The following PCDHGA4 variants were observed in gnomAD, a reference collection of about 807,000 sequenced individuals.
PCDHGA4 encodes protocadherin gamma-A4.
In PCDHGA4, 38 loss-of-function variants were observed where a neutral mutation model predicts 54.6. The observed-to-expected ratio is 0.70, with a 90% CI of 0.54 to 0.91. The LOEUF (loss-of-function observed/expected upper bound fraction) is 0.91. PCDHGA4 is among the 40% of genes least tolerant of loss of function. The pLI, the probability that PCDHGA4 is intolerant of heterozygous loss-of-function variation, is 0.00. For synonymous variants in PCDHGA4, 511 were observed against 512.9 expected (o/e 1.00, Z 0.05); for missense variants, 1,298 against 1,220.9 (o/e 1.06, Z -0.94).
At chr5:141,380,091 G>A (rs538586012) in intron 1 of PCDHGA4, among the ~76,000 whole-genome samples, 1 of 151,688 alleles carries the variant, frequency 6.6e-6, no homozygotes, top group African/African-American at 2.4e-5. Context: ...GTAGAGATGG[G>A]GTTTTACCAT....
chr5:141,376,538 T>C, intron 1 of PCDHGA4: 1 of 1,613,126 alleles, frequency 6.2e-7, no homozygotes, highest in African/African-American at 1.3e-5. Flanking sequence ...GCGGGAAGAG[T>C]AATCTGATCT....
At chr5:141,361,619 A>G in intron 1 of PCDHGA4, 4 of 1,613,920 alleles carry the variant, frequency 2.5e-6, no homozygotes, top group Non-Finnish European at 3.4e-6. Context: ...GTAGCGAGCG[A>G]CCTGAAGCCG....
intron 1 of PCDHGA4, chr5:141,375,274 A>G: frequency 1.9e-6 from 3 of 1,613,898 alleles, no homozygotes; most frequent in Non-Finnish European, 2.5e-6. Context: ...TGGAAAAATC[A>G]GTTGGCAATT....
intron 1 of PCDHGA4, chr5:141,387,654 G>A: frequency 1.6e-6 from 1 of 644,700 alleles, no homozygotes. Context: ...AAAGTGGAGA[G>A]CTTGGCGCTC....
intron 1 of PCDHGA4, among the ~76,000 whole-genome samples, chr5:141,435,840 T>G (rs1408413470): frequency 6.6e-6 from 1 of 152,118 alleles, no homozygotes; most frequent in Non-Finnish European, 1.5e-5. Context: ...CCTATCTACT[T>G]TGAAAGATAC....
chr5:141,491,529 G>C lies in PCDHGA4; in HGVS notation c.2515-3278G>C. 1 of 1,614,040 alleles carries C rather than the reference G, an allele frequency of 6.2e-7. No individual in the cohort carries two copies. The highest frequency in any genetic ancestry group is 1.1e-5 in the South Asian group (1 of 91,080). On this transcript the variant is annotated intron_variant, in intron 1 of 3. Coordinates refer to ENST00000571252, the MANE Select transcript of PCDHGA4 (RefSeq NM_018917.4). The surrounding 1 kb of genome is among the most constrained non-coding windows in gnomAD (Gnocchi z 6.9). ...GCACGCTCAAGTACATGGAGGTGACGCTGCGGCCCACAGACTCGCAGAGCC... is the reference window on the plus strand; with the variant it reads ...GCACGCTCAAGTACATGGAGGTGACCCTGCGGCCCACAGACTCGCAGAGCC...
chr5:141,389,249 T>A, intron 1 of PCDHGA4: 1 of 1,614,064 alleles, frequency 6.2e-7, no homozygotes, highest in Non-Finnish European at 8.5e-7. Flanking sequence ...AGTCTTCCTA[T>A]ATAGTCCACG....
intron 1 of PCDHGA4, chr5:141,478,819 C>G (rs927315523): frequency 2.1e-6 from 3 of 1,447,842 alleles, no homozygotes; most frequent in Non-Finnish European, 2.7e-6. Context: ...CACAACTAAC[C>G]AATCTTGCTA....
At position 141,355,781 on chromosome 5, in the gene PCDHGA4, T is replaced by C; in HGVS notation, c.674T>C (p.Leu225Pro). The part of the protein sequence containing the change: ...SGADGIKYPE[L>P]VLERALDREE... Reference sequence around the variant, plus strand: ...GCCGATGGGATTAAGTACCCAGAGCTGGTGCTGGAACGCGCTCTAGATCGC... The same window carrying C: ...GCCGATGGGATTAAGTACCCAGAGCCGGTGCTGGAACGCGCTCTAGATCGC... The change falls in exon 1 of 4, where the codon CTG becomes CCG. Residue 225 changes from leucine (L) to proline (P), a missense_variant. Physicochemically the swap from Leu to Pro is moderately conservative, Grantham distance 98. Transcript: ENST00000571252. The C allele has an allele frequency of 1.2e-6, 2 of 1,613,802 alleles. No homozygotes were observed. The highest frequency in any genetic ancestry group is 1.7e-6 in the Non-Finnish European group (2 of 1,179,806).
rs558467940 is a variant in PCDHGA4, at chr5:141,373,761, G to C, written c.2514+16140G>C. Among the ~76,000 whole-genome samples the C allele has an allele frequency of 9.2e-5, 14 of 152,338 alleles. No individual in the cohort carries two copies. The East Asian group carries it at 2.5e-3, about 27-fold the overall frequency. ...ATTATCTTGGGGAGGGAAATATTAT[G>C]AGTGTCATCTCTGCAGATTTAGCAG... On this transcript the variant is annotated intron_variant, in intron 1 of 3. Transcript: ENST00000571252.
At chr5:141,380,024 C>T (rs1326280237) in intron 1 of PCDHGA4, among the ~76,000 whole-genome samples, 1 of 150,698 alleles carries the variant, frequency 6.6e-6, no homozygotes, top group Non-Finnish European at 1.5e-5. Flanking sequence ...CTCAGCCTCC[C>T]AAGTAGCTGG....
rs768704302 is a variant in PCDHGA4 at position 141,383,259 on chromosome 5, C to A, written c.2514+25638C>A. On this transcript the variant is annotated intron_variant, in intron 1 of 3. Coordinates refer to ENST00000571252, the MANE Select transcript of PCDHGA4 (RefSeq NM_018917.4). ...ATAAAATGAATCTTTACCCTATAGA[C>A]GTGGAAATAATAGATATTAATGACA... The A allele has an allele frequency of 5.6e-6, 9 of 1,613,810 alleles. No individual in the cohort carries two copies. In the South Asian group the frequency reaches 6.6e-5, roughly 12 times the overall value.
intron 1 of PCDHGA4, chr5:141,422,211 C>G: frequency 6.4e-7 from 1 of 1,563,286 alleles, no homozygotes; most frequent in Non-Finnish European, 8.6e-7. Context: ...GTGGAGGTCT[C>G]TTTACCACCA....
chr5:141,507,816 TG>T (rs1478957063), intron 3 of PCDHGA4, among the ~76,000 whole-genome samples: 1 of 152,130 alleles, frequency 6.6e-6, no homozygotes, highest in African/African-American at 2.4e-5. Flanking sequence ...GAACGGACCC[TG>T]GGGGTGGAGG....
intron 1 of PCDHGA4, among the ~76,000 whole-genome samples, chr5:141,401,837 A>G (rs1302723544): frequency 6.6e-6 from 1 of 152,198 alleles, no homozygotes; most frequent in Non-Finnish European, 1.5e-5. Context: ...ATTTCTTATA[A>G]TACCACTTAC....
chr5:141,447,742 T>G (rs1440015460), intron 1 of PCDHGA4, among the ~76,000 whole-genome samples: 3 of 152,056 alleles, frequency 2.0e-5, no homozygotes, highest in Non-Finnish European at 4.4e-5. Flanking sequence ...AACTTAAGAG[T>G]CTTGCATGTG....
At chr5:141,385,295 A>C (rs1422997974) in intron 1 of PCDHGA4, 1 of 1,613,146 alleles carries the variant, frequency 6.2e-7, no homozygotes, top group African/African-American at 1.3e-5. Context: ...GATTTTCAGG[A>C]ATGTAAAGAA....
chr5:141,413,283 C>A lies in PCDHGA4; in HGVS notation c.2514+55662C>A, dbSNP rs377443382. On this transcript the variant is annotated intron_variant, in intron 1 of 3. Coordinates refer to ENST00000571252, the MANE Select transcript of PCDHGA4 (RefSeq NM_018917.4). ...GGGAGGCTGGAGCCCGGCAGATCTC[C>A]TACTCAATTCCTGAGGAATTAGAGA... The A allele has an allele frequency of 3.6e-5, 58 of 1,613,848 alleles. No individual in the cohort carries two copies. The African/African-American group carries it at 7.6e-4, about 21-fold the overall frequency.
At chr5:141,403,218 G>A in intron 1 of PCDHGA4, 1 of 1,613,968 alleles carries the variant, frequency 6.2e-7, no homozygotes. Flanking sequence ...ACCGCGGGTA[G>A]GATAGACCGG....
Sources: gnomAD v4.1 joint callset for allele counts (sites outside exome capture counted in the v4.1 genomes callset) on GRCh38, gnomAD v4.1.1 for gene constraint, Gnocchi (gnomAD v3.1) non-coding constraint, MANE v1.5 for transcripts, NCBI Gene and HGNC (gene_info 2026-07-23, HGNC 2026-07-21) for gene names.